The following CDK10 variants were observed in gnomAD, a reference collection of about 807,000 sequenced individuals.
The protein encoded by CDK10 is cyclin-dependent kinase 10.
In CDK10, 55 loss-of-function variants were observed where a neutral mutation model predicts 51.0. That is an observed-to-expected ratio of 1.08 (90% CI 0.87 to 1.35). The LOEUF (loss-of-function observed/expected upper bound fraction) is 1.35, where lower values mean the gene tolerates loss of function less well. Ranked by LOEUF, CDK10 falls within the 40% of genes most tolerant of loss-of-function variation. The pLI, the probability that CDK10 is intolerant of heterozygous loss-of-function variation, is 0.00. For missense variants in CDK10, 589 were observed against 485.1 expected (o/e 1.21, Z -2.01); for synonymous variants, 255 against 199.1 (o/e 1.28, Z -2.36).
At chr16:89,693,010 C>T (rs1192935463) in intron 6 of CDK10, among the ~76,000 whole-genome samples, 3 of 150,970 alleles carry the variant, frequency 2.0e-5, no homozygotes. Context: ...TGGTGGCGGG[C>T]GCCTGTAGTC....
At chr16:89,687,003 C>T (rs1213903704) in intron 1 of CDK10, 4 of 494,334 alleles carry the variant, frequency 8.1e-6, no homozygotes, top group Non-Finnish European at 1.4e-5. Context: ...ATCTGAGGGG[C>T]CGGGGCGGGC....
chr16:89,691,715 C>A, intron 4 of CDK10, 91 bp from the exon 5 acceptor site: 1 of 1,368,398 alleles, frequency 7.3e-7, no homozygotes, highest in South Asian at 1.2e-5. Flanking sequence ...ACAGGTTGTC[C>A]TGCCCATGTC....
intron 9 of CDK10, 158 bp downstream of exon 9, chr16:89,694,390 C>G: frequency 2.2e-6 from 2 of 903,230 alleles, no homozygotes; most frequent in Non-Finnish European, 3.5e-6. Context: ...GCCTGGAAAC[C>G]CAGGAGGAGG....
chr16:89,690,731 CGG>C, intron 3 of CDK10, 107 bp downstream of exon 3: 1 of 986,502 alleles, frequency 1.0e-6, no homozygotes, highest in African/African-American at 1.6e-5. Context: ...TAGCGGGGGC[CGG>C]CCTCTGGGAG....
chr16:89,694,528 C>T, intron 9 of CDK10, 137 bp from the exon 10 acceptor site: 2 of 1,463,672 alleles, frequency 1.4e-6, no homozygotes, highest in Non-Finnish European at 1.8e-6. Flanking sequence ...CCCTGCCTGT[C>T]CTTCACAGTG....
In CDK10 at chr16:89,694,800, G is replaced by A; in HGVS notation, c.792+12G>A. On this transcript the variant is annotated intron_variant, in intron 10 of 12. Coordinates refer to ENST00000353379, the MANE Select transcript of CDK10 (RefSeq NM_052988.5). ...AGAACATCTGGCCGGTGGGCGTCCT[G>A]GGCAGACCCGCAGCCCCCGCCCGTG... The A allele has an allele frequency of 6.4e-7, 1 of 1,556,106 alleles. No individual in the cohort carries two copies. The highest frequency in any genetic ancestry group is 8.7e-7 in the Non-Finnish European group (1 of 1,152,588).
intron 5 of CDK10, 61 bp from the exon 6 acceptor site, chr16:89,692,388 A>G: frequency 7.6e-7 from 1 of 1,313,968 alleles, no homozygotes; most frequent in Non-Finnish European, 1.0e-6. Context: ...TGGGTGTGGC[A>G]GGGCCCAGCT....
chr16:89,695,153 G>A (rs1285419449), intron 11 of CDK10, 83 bp downstream of exon 11: 2 of 1,549,798 alleles, frequency 1.3e-6, no homozygotes, highest in Non-Finnish European at 8.7e-7. Context: ...TCACTGCGGT[G>A]GAGAGGCCCC....
rs1391596503 is a variant in CDK10 at position 89,694,711 on chromosome 16, C to T, written c.715C>T (p.Leu239Phe). The change falls in exon 10 of 13, where the codon CTC becomes TTC. Residue 239 changes from leucine (L) to phenylalanine (F), a missense_variant. Coordinates refer to ENST00000353379, the MANE Select transcript of CDK10 (RefSeq NM_052988.5). ...CGAGCTGCTGGCGCACAGGCCTCTT[C>T]TCCCCGGCACTTCCGAGATCCACCA... is the stretch of plus-strand genomic sequence containing the variant. ...LAELLAHRPL[L>F]PGTSEIHQID... is the part of the protein sequence containing the mutation. The T allele has an allele frequency of 6.3e-7, 1 of 1,585,140 alleles. No homozygotes were observed. Among genetic ancestry groups the T allele is most frequent in the South Asian group, 1.2e-5 (1 of 86,778 alleles).
chr16:89,691,169 C>G (rs1174178116), intron 3 of CDK10, among the ~76,000 whole-genome samples: 1 of 152,118 alleles, frequency 6.6e-6, no homozygotes, highest in East Asian at 1.9e-4. Flanking sequence ...CCTGTAATCC[C>G]AGCTACTAGG....
intron 5 of CDK10, 49 bp downstream of exon 5, chr16:89,691,936 TGTG>T (rs776964595): frequency 1.3e-5 from 19 of 1,492,416 alleles, no homozygotes; most frequent in Non-Finnish European, 1.7e-5. Flanking sequence ...CATGGGCCCT[TGTG>T]GTGCACATTT....
intron 6 of CDK10, 117 bp from the exon 7 acceptor site, chr16:89,693,157 A>G (rs2060531840): frequency 3.7e-6 from 3 of 806,676 alleles, no homozygotes; most frequent in Admixed American, 2.6e-5. Flanking sequence ...AAAAAAAGAT[A>G]CTAAAAAGCC....
intron 1 of CDK10, chr16:89,687,130 C>T (rs932827235): frequency 8.8e-6 from 2 of 227,096 alleles, no homozygotes; most frequent in South Asian, 2.1e-4. Context: ...CAGGCTGAGC[C>T]GCGAGCCACT....
intron 10 of CDK10, 69 bp from the exon 11 acceptor site, chr16:89,694,858 TGCCC>T: frequency 6.6e-7 from 1 of 1,504,002 alleles, no homozygotes; most frequent in Non-Finnish European, 9.0e-7. Context: ...CCCCCGCCCG[TGCCC>T]ACGCCCTCTG....
intron 11 of CDK10, 104 bp from the exon 12 acceptor site, chr16:89,695,189 G>T: frequency 6.5e-7 from 1 of 1,536,402 alleles, no homozygotes. Context: ...GCTCGGAGTG[G>T]CCACCTGGCT....
intron 1 of CDK10, 21 bp downstream of exon 1, chr16:89,686,818 G>A (rs1331301356): frequency 1.3e-6 from 2 of 1,594,118 alleles, no homozygotes; most frequent in South Asian, 2.2e-5. Context: ...TGCCACCCGG[G>A]CAGCTCTGCC....
Position 89,694,680 on chromosome 16 carries a change from A to T in CDK10, c.684A>T (p.Ile228=). ...TTCTCTGCAGGGCTGTGGGCTGCAT[A>T]CTGGCCGAGCTGCTGGCGCACAGGC... ...TSIDMWAVGC[I]LAELLAHRPL... is the part of the protein sequence containing the mutation. Residue 228 remains isoleucine (I), a synonymous_variant, in exon 10 of 13, where the codon ATA becomes ATT. Coordinates refer to ENST00000353379, the MANE Select transcript of CDK10 (RefSeq NM_052988.5). 6.3e-7 allele frequency: 1 copy of T among 1,589,656 alleles called. No homozygotes were observed. The highest frequency in any genetic ancestry group is 8.6e-7 in the Non-Finnish European group (1 of 1,169,056).
intron 12 of CDK10, 101 bp downstream of exon 12, chr16:89,695,446 G>A: frequency 6.7e-7 from 1 of 1,483,478 alleles, no homozygotes; most frequent in Non-Finnish European, 9.3e-7. Context: ...CTCACTGACG[G>A]CACACCCTTT....
intron 5 of CDK10, chr16:89,692,204 G>A: frequency 1.8e-6 from 1 of 553,634 alleles, no homozygotes. Context: ...TGGGCGGAGA[G>A]CCTTCTGAGG....
Sources: allele counts gnomAD v4.1 joint callset (sites outside exome capture counted in the v4.1 genomes callset), GRCh38; gene constraint gnomAD v4.1.1; transcripts MANE v1.5; gene names NCBI Gene and HGNC (gene_info 2026-07-23, HGNC 2026-07-21).